The following OCM2 variants were observed in gnomAD, a reference collection of about 807,000 sequenced individuals.
OCM2 encodes the protein oncomodulin-2.
In OCM2, 6 loss-of-function variants were observed where a neutral mutation model predicts 13.6. That is an observed-to-expected ratio of 0.44 (90% CI 0.24 to 0.87). The LOEUF (loss-of-function observed/expected upper bound fraction) is 0.87. Ranked by LOEUF, OCM2 falls within the 40% of genes least tolerant of loss-of-function variation. The pLI is 0.22. For synonymous variants in OCM2, 40 were observed against 50.7 expected (o/e 0.79, Z 0.90); for missense variants, 118 against 136.8 (o/e 0.86, Z 0.68).
chr7:97,989,122 G>C (rs1464638119), intron 1 of OCM2, among the ~76,000 whole-genome samples: 2 of 151,644 alleles, frequency 1.3e-5, no homozygotes, highest in African/African-American at 4.8e-5. Flanking sequence ...ATAGAGACAG[G>C]GTTTTGTCAG....
At chr7:97,988,213 C>T (rs534656582) in intron 2 of OCM2, among the ~76,000 whole-genome samples, 2 of 152,048 alleles carry the variant, frequency 1.3e-5, no homozygotes. Context: ...ATCTTTGCAC[C>T]TGTAGTCTTC....
intron 3 of OCM2, 124 bp from the exon 4 acceptor site, chr7:97,985,107 C>A (rs1027740162): frequency 2.0e-5 from 17 of 868,820 alleles, no homozygotes; most frequent in East Asian, 5.1e-5. Flanking sequence ...ATGGGCATGG[C>A]CCCCTTGGAG....
chr7:97,984,692 A>G (rs1333745314), exon 4 of OCM2: 1 of 494,128 alleles, frequency 2.0e-6, no homozygotes, highest in Admixed American at 3.2e-5. Flanking sequence ...GATGTTGAGA[A>G]GCCTGTCTTT....
rs1554366492 is a variant in OCM2 at position 97,985,431 on chromosome 7, A to AG, written c.305-449_305-448insC. Reference sequence around the variant, plus strand: ...CAGACTCCATCTCAAAAAAAAAAAAAAAAGAAAGAAAGAAAGAAAGAAAGA... The same window carrying AG: ...CAGACTCCATCTCAAAAAAAAAAAAAGAAAGAAAGAAAGAAAGAAAGAAAGA... On this transcript the variant is annotated intron_variant, in intron 3 of 3. Transcript: ENST00000257627. Among the ~76,000 whole-genome samples the AG allele has an allele frequency of 3.8e-3, 501 of 131,522 alleles. 2 individuals carry two copies. The highest frequency in any genetic ancestry group is 0.013 in the African/African-American group (478 of 37,110). The allele number at this position is 131,522 out of a possible 152,430, so 86.3% of individuals were successfully genotyped here.
intron 2 of OCM2, 70 bp downstream of exon 2, chr7:97,988,346 C>T (rs13242307): frequency 7.5e-6 from 12 of 1,591,862 alleles, no homozygotes; most frequent in South Asian, 4.5e-5. Context: ...TACTGAGCAA[C>T]CTGGCCCCCA....
chr7:97,988,039 A>G (rs969786339), intron 2 of OCM2, among the ~76,000 whole-genome samples: 16 of 152,010 alleles, frequency 1.1e-4, no homozygotes, highest in African/African-American at 2.4e-5. Context: ...CTAAATATGA[A>G]AATTAGCTGG....
chr7:97,990,088 A>C lies in OCM2; in HGVS notation c.17T>G (p.Val6Gly), dbSNP rs769584878. ...TGCTGCAATGTCATCAGCACTGAGCACGTCCGTGATGCTCATTTTCTACCT... is the reference window on the plus strand; with the variant it reads ...TGCTGCAATGTCATCAGCACTGAGCCCGTCCGTGATGCTCATTTTCTACCT... The change falls in exon 1 of 4, where the codon GTG becomes GGG. Residue 6 changes from valine to glycine, a missense_variant. By Grantham distance (109) the Val-to-Gly change is moderately radical. Coordinates refer to ENST00000257627, the Ensembl canonical transcript of OCM2. The C allele has an allele frequency of 1.5e-5, 24 of 1,612,110 alleles. No individual in the cohort carries two copies. The highest frequency in any genetic ancestry group is 1.9e-5 in the Non-Finnish European group (22 of 1,179,530).
intron 3 of OCM2, among the ~76,000 whole-genome samples, chr7:97,986,056 G>T (rs550033163): frequency 6.6e-6 from 1 of 152,040 alleles, no homozygotes; most frequent in Non-Finnish European, 1.5e-5. Context: ...GGGATTACAG[G>T]TGCCCACCAC....
intron 2 of OCM2, among the ~76,000 whole-genome samples, chr7:97,987,970 T>A (rs71563549): frequency 0.1 from 15,679 of 152,080 alleles, 943 homozygotes; most frequent in African/African-American, 0.16. Context: ...GGCAGGAGGA[T>A]CACTTGAAGT....
exon 4 of OCM2, chr7:97,984,920 A>G (rs1794655048): frequency 6.3e-7 from 1 of 1,592,106 alleles, no homozygotes; most frequent in Non-Finnish European, 8.6e-7. Context: ...CTTCCAGGTG[A>G]TTATCCCTTT....
chr7:97,989,937 C>A, intron 1 of OCM2, 107 bp downstream of exon 1: 1 of 1,093,536 alleles, frequency 9.1e-7, no homozygotes, highest in Non-Finnish European at 1.4e-6. Context: ...GGATTACAGG[C>A]GTGAGCCACT....
intron 1 of OCM2, among the ~76,000 whole-genome samples, chr7:97,988,935 T>TTC (rs1554366927): frequency 1.4e-5 from 2 of 141,172 alleles, no homozygotes; most frequent in African/African-American, 5.5e-5. Context: ...CTTTCTTTCT[T>TTC]TTTTTTTTTT....
chr7:97,988,558 A>T lies in OCM2; in HGVS notation c.62-10T>A, dbSNP rs749647481. ...TCAAAAGTGTCTGGGTCTGAAGAAC[A>T]GAGAATGGGTTATTCTGACACTCAT... On this transcript the variant is annotated splice_polypyrimidine_tract_variant and intron_variant, in intron 1 of 3. Coordinates refer to ENST00000257627, the Ensembl canonical transcript of OCM2. 7.4e-6 allele frequency: 12 copies of T among 1,614,178 alleles called. No individual in the cohort carries two copies. In the South Asian group the frequency reaches 1.3e-4, roughly 18 times the overall value.
At chr7:97,989,801 G>A (rs1414280917) in intron 1 of OCM2, among the ~76,000 whole-genome samples, 7 of 151,376 alleles carry the variant, frequency 4.6e-5, no homozygotes, top group African/African-American at 1.7e-4. Context: ...GGGATTACAG[G>A]TGCCCACCAC....
chr7:97,985,431 A>AAGAAAG (rs1554366493), intron 3 of OCM2, among the ~76,000 whole-genome samples: 3 of 131,552 alleles, frequency 2.3e-5, no homozygotes, highest in South Asian at 2.6e-4. Context: ...AAAAAAAAAA[A>AAGAAAG]AAAGAAAGAA....
In OCM2 at chr7:97,984,933, C is replaced by G. The variant is rs1271096079; in HGVS notation, c.*25G>C. 2.5e-6 allele frequency: 4 copies of G among 1,608,686 alleles called. No homozygotes were observed. The African/African-American group carries it at 4.0e-5, about 16-fold the overall frequency. On this transcript the variant is annotated 3_prime_UTR_variant, in exon 4 of 4. Transcript: ENST00000257627. ...TCCTTCCAGGTGATTATCCCTTTCT[C>G]TCTTTTCTCCAGAGACTGGGGCTTT...
chr7:97,988,257 G>A (rs1424777096), intron 2 of OCM2, among the ~76,000 whole-genome samples, 159 bp downstream of exon 2: 5 of 151,982 alleles, frequency 3.3e-5, no homozygotes, highest in Non-Finnish European at 1.5e-5. Context: ...ATGGGTAGAT[G>A]TGCGGTCAAC....
At chr7:97,989,523 C>G (rs1475830017) in intron 1 of OCM2, among the ~76,000 whole-genome samples, 1 of 151,820 alleles carries the variant, frequency 6.6e-6, no homozygotes, top group Non-Finnish European at 1.5e-5. Context: ...CCTTAGTTTC[C>G]AGAGTAGCTG....
intron 1 of OCM2, among the ~76,000 whole-genome samples, chr7:97,989,345 C>A (rs1336832326): frequency 6.6e-6 from 1 of 151,800 alleles, no homozygotes; most frequent in Non-Finnish European, 1.5e-5. Flanking sequence ...TAGTAGTTTT[C>A]TTCTCTGATT....
Sources: allele counts gnomAD v4.1 joint callset (sites outside exome capture counted in the v4.1 genomes callset), GRCh38; gene constraint gnomAD v4.1.1; transcripts MANE v1.5; gene names NCBI Gene and HGNC (gene_info 2026-07-23, HGNC 2026-07-21).